XKR9: variants seen among roughly 807,000 people sequenced by gnomAD.
XKR9 encodes the protein XK related 9.
In XKR9, 32 loss-of-function variants were observed where a neutral mutation model predicts 32.0. The observed-to-expected ratio is 1.00, with a 90% CI of 0.76 to 1.34. The LOEUF is 1.34. XKR9 is among the 40% of genes most tolerant of loss of function. The pLI is 0.00. For synonymous variants in XKR9, 168 were observed against 143.4 expected, an observed-to-expected ratio of 1.17 and a Z score of -1.22; for missense variants, 546 against 429.7, an observed-to-expected ratio of 1.27 and a Z score of -2.39.
At chr8:70,809,040 C>A in the XKR9 span, among the ~76,000 whole-genome samples, 1 of 152,160 alleles carries the variant, frequency 6.6e-6, no homozygotes, top group Non-Finnish European at 1.5e-5. Flanking sequence ...CTGGTAGGCA[C>A]CCCCCAGTAG....
the XKR9 span, among the ~76,000 whole-genome samples, chr8:71,020,401 C>G: frequency 6.6e-6 from 1 of 152,148 alleles, no homozygotes; most frequent in East Asian, 1.9e-4. Flanking sequence ...AAGGACCACT[C>G]TAGGGTAATT....
intron 3 of XKR9, among the ~76,000 whole-genome samples, chr8:70,699,541 C>G (rs985692863): frequency 9.2e-5 from 14 of 152,192 alleles, no homozygotes. Context: ...AGCGTTTCTG[C>G]TGAGAGATCT....
At chr8:70,857,565 A>G in the XKR9 span, among the ~76,000 whole-genome samples, 1 of 152,208 alleles carries the variant, frequency 6.6e-6, no homozygotes, top group Non-Finnish European at 1.5e-5. Context: ...TTTCCTTCTG[A>G]AACTATTCCA....
chr8:70,774,556 G>A (rs1284974533), intron 2 of XKR9, among the ~76,000 whole-genome samples: 1 of 152,098 alleles, frequency 6.6e-6, no homozygotes, highest in East Asian at 1.9e-4. Flanking sequence ...TAGATCTATA[G>A]GCCATTTGGG....
chr8:70,906,265 G>A, the XKR9 span, among the ~76,000 whole-genome samples: 1 of 152,176 alleles, frequency 6.6e-6, no homozygotes, highest in Non-Finnish European at 1.5e-5. Flanking sequence ...CTTGAGCTGC[G>A]GTGGCCTCCA....
At chr8:70,875,410 A>G in the XKR9 span, among the ~76,000 whole-genome samples, 2 of 152,232 alleles carry the variant, frequency 1.3e-5, no homozygotes, top group Non-Finnish European at 2.9e-5. Flanking sequence ...TCAACTTTAT[A>G]GAGCAGGACA....
the XKR9 span, among the ~76,000 whole-genome samples, chr8:70,853,925 C>T: frequency 6.6e-6 from 1 of 152,132 alleles, no homozygotes; most frequent in African/African-American, 2.4e-5. Context: ...TCCAGTCTAT[C>T]ATTGTTGGAC....
At chr8:70,673,374 G>A (rs114855435) in intron 1 of XKR9, among the ~76,000 whole-genome samples, 1,600 of 152,268 alleles carry the variant, frequency 0.011, 26 homozygotes, top group African/African-American at 0.037. Context: ...TTAAAAGTAA[G>A]GCAACTTGCA....
intron 3 of XKR9, among the ~76,000 whole-genome samples, chr8:70,688,624 G>A (rs1226581419): frequency 6.6e-6 from 1 of 151,788 alleles, no homozygotes; most frequent in Admixed American, 6.6e-5. Flanking sequence ...CACCATGTTA[G>A]CCAGGATGGT....
chr8:70,950,454 A>G, the XKR9 span, among the ~76,000 whole-genome samples: 1 of 152,062 alleles, frequency 6.6e-6, no homozygotes, highest in Admixed American at 6.6e-5. Flanking sequence ...AGTAGCAGCA[A>G]AGGTCCGGCT....
At chr8:70,767,233 AT>A (rs1807389868) in intron 2 of XKR9, among the ~76,000 whole-genome samples, 1 of 151,864 alleles carries the variant, frequency 6.6e-6, no homozygotes, top group Non-Finnish European at 1.5e-5. Flanking sequence ...TGGACCTGGG[AT>A]TTTTTTGGTT....
At chr8:71,038,355 C>G in the XKR9 span, among the ~76,000 whole-genome samples, 6 of 146,490 alleles carry the variant, frequency 4.1e-5, no homozygotes, top group Admixed American at 3.4e-4. Context: ...CAGTCTCGCT[C>G]CATCACCCAG....
chr8:70,787,201 A>G (rs1807700014), intron 2 of XKR9, among the ~76,000 whole-genome samples: 1 of 152,168 alleles, frequency 6.6e-6, no homozygotes, highest in African/African-American at 2.4e-5. Flanking sequence ...TTTCACTGAA[A>G]ACAAATTCTG....
intron 1 of XKR9, among the ~76,000 whole-genome samples, chr8:70,674,322 A>G (rs963979085): frequency 9.8e-5 from 15 of 152,358 alleles, no homozygotes; most frequent in African/African-American, 3.4e-4. Flanking sequence ...ACAGAATTTC[A>G]TCAGATAGAT....
intron 2 of XKR9, among the ~76,000 whole-genome samples, chr8:70,751,477 A>G (rs575949878): frequency 5.3e-4 from 81 of 152,128 alleles, no homozygotes; most frequent in Non-Finnish European, 1.2e-3. Context: ...ATACCCAGAT[A>G]CCTGGTAAAG....
chr8:70,810,127 GC>G, the XKR9 span, among the ~76,000 whole-genome samples: 2 of 152,188 alleles, frequency 1.3e-5, 1 homozygote, highest in African/African-American at 4.8e-5. Flanking sequence ...GAGAGTGGGG[GC>G]CAATCTTCAA....
intron 2 of XKR9, among the ~76,000 whole-genome samples, chr8:70,742,127 TA>T (rs1290837733): frequency 6.6e-6 from 1 of 152,148 alleles, no homozygotes; most frequent in East Asian, 1.9e-4. Flanking sequence ...TATATTTAAT[TA>T]AGGGTTAACA....
the XKR9 span, among the ~76,000 whole-genome samples, chr8:70,969,272 A>G: frequency 1.3e-5 from 2 of 152,222 alleles, no homozygotes; most frequent in African/African-American, 4.8e-5. Context: ...AATTTTTTTT[A>G]ACAGTGTGAT....
chr8:70,717,555 C>G (rs565222731), intron 4 of XKR9, among the ~76,000 whole-genome samples: 2 of 152,288 alleles, frequency 1.3e-5, no homozygotes, highest in South Asian at 4.1e-4. Context: ...ATAGCTAGAG[C>G]TGAAACAACT....
Sources: allele counts gnomAD v4.1 joint callset (sites outside exome capture counted in the v4.1 genomes callset), GRCh38; gene constraint gnomAD v4.1.1; transcripts MANE v1.5; gene names NCBI Gene and HGNC (gene_info 2026-07-23, HGNC 2026-07-21).